Variants in CDK14 observed in about 807,000 individuals in gnomAD.
CDK14 encodes cyclin-dependent kinase 14.
CDK14 carries 34 observed loss-of-function variants against 60.7 expected under a neutral mutation model. The ratio of observed to expected loss-of-function variants is 0.56; its 90% CI spans 0.43 to 0.75. The LOEUF is 0.75. Among genes scored for constraint, CDK14 ranks in the 30% least tolerant of loss-of-function variants. The pLI is 0.00. For synonymous variants in CDK14, 197 were observed against 203.7 expected (o/e 0.97, Z 0.28); for missense variants, 482 against 564.1 (o/e 0.85, Z 1.47).
At chr7:91,183,330 C>G (rs1802063287) in intron 14 of CDK14, among the ~76,000 whole-genome samples, 1 of 152,206 alleles carries the variant, frequency 6.6e-6, no homozygotes, top group Admixed American at 6.5e-5. Context: ...TTAGTGTTTT[C>G]AAAGCTGGTC....
At chr7:90,783,241 C>T (rs1805420922) in intron 4 of CDK14, among the ~76,000 whole-genome samples, 1 of 152,078 alleles carries the variant, frequency 6.6e-6, no homozygotes, top group Non-Finnish European at 1.5e-5. Flanking sequence ...TCCCTCATTT[C>T]ATTAAATCTT....
chr7:90,907,011 A>G (rs1792729793), intron 7 of CDK14, among the ~76,000 whole-genome samples: 1 of 152,240 alleles, frequency 6.6e-6, no homozygotes, highest in South Asian at 2.1e-4. Context: ...TTCACTAATA[A>G]CAAATGGTTT....
At chr7:90,693,841 T>TC (rs1177661415) in intron 2 of CDK14, among the ~76,000 whole-genome samples, 18 of 152,212 alleles carry the variant, frequency 1.2e-4, no homozygotes, top group African/African-American at 4.1e-4. Context: ...GAGAAGTTGT[T>TC]TAAGATGGCT....
intron 8 of CDK14, among the ~76,000 whole-genome samples, chr7:90,954,639 T>C (rs1409948088): frequency 1.2e-3 from 3 of 2,500 alleles, no homozygotes; most frequent in East Asian, 5.6e-3. Flanking sequence ...TTTTTTTTTT[T>C]TTTGAGACGG....
At chr7:90,932,806 T>C (rs1296675524) in intron 8 of CDK14, among the ~76,000 whole-genome samples, 3 of 152,200 alleles carry the variant, frequency 2.0e-5, no homozygotes, top group African/African-American at 7.2e-5. Context: ...ATCTGAATGC[T>C]CCACTGGGAA....
chr7:90,997,994 T>G (rs986540234), intron 10 of CDK14, among the ~76,000 whole-genome samples: 3 of 152,200 alleles, frequency 2.0e-5, no homozygotes, highest in African/African-American at 7.2e-5. Context: ...GGAACTAAAA[T>G]TGATTTTCAA....
intron 8 of CDK14, among the ~76,000 whole-genome samples, chr7:90,946,736 C>T (rs1794113408): frequency 6.6e-6 from 1 of 152,036 alleles, no homozygotes; most frequent in African/African-American, 2.4e-5. Flanking sequence ...TATTACATGC[C>T]CTTTAGATTG....
chr7:90,765,591 C>G (rs1584870071), intron 4 of CDK14, among the ~76,000 whole-genome samples: 1 of 132,194 alleles, frequency 7.6e-6, no homozygotes. Context: ...TTACATTTTA[C>G]AACTAGGAAG....
At chr7:90,909,834 T>C (rs1178658830) in intron 7 of CDK14, among the ~76,000 whole-genome samples, 1 of 152,218 alleles carries the variant, frequency 6.6e-6, no homozygotes, top group Non-Finnish European at 1.5e-5. Context: ...TCTTAAAGAA[T>C]GTAAATTAAA....
At chr7:91,108,445 A>G (rs955566753) in intron 12 of CDK14, among the ~76,000 whole-genome samples, 2 of 152,380 alleles carry the variant, frequency 1.3e-5, no homozygotes, top group African/African-American at 4.8e-5. Context: ...TTATCAATAT[A>G]TAAGGAATAT....
At chr7:90,778,481 T>C (rs1489096752) in intron 4 of CDK14, among the ~76,000 whole-genome samples, 2 of 152,214 alleles carry the variant, frequency 1.3e-5, no homozygotes, top group Non-Finnish European at 2.9e-5. Flanking sequence ...TCCCACTGTG[T>C]GCTCCTGCAG....
At chr7:90,943,552 T>A (rs1183582654) in intron 8 of CDK14, among the ~76,000 whole-genome samples, 1 of 152,196 alleles carries the variant, frequency 6.6e-6, no homozygotes, top group Non-Finnish European at 1.5e-5. Flanking sequence ...ATTTAAGGGC[T>A]GGTAGCTTGT....
intron 5 of CDK14, among the ~76,000 whole-genome samples, chr7:90,805,407 C>T (rs1015869722): frequency 6.8e-6 from 1 of 147,932 alleles, no homozygotes; most frequent in Non-Finnish European, 1.5e-5. Flanking sequence ...AAAGGCTTAA[C>T]AAACTTTGAA....
chr7:90,987,340 G>T (rs1206409310), intron 10 of CDK14, among the ~76,000 whole-genome samples: 1 of 151,962 alleles, frequency 6.6e-6, no homozygotes, highest in African/African-American at 2.4e-5. Context: ...TTAGAGTACA[G>T]AGACCCTCAA....
chr7:90,727,433 G>A (rs957069375), intron 3 of CDK14, among the ~76,000 whole-genome samples: 1 of 152,038 alleles, frequency 6.6e-6, no homozygotes, highest in Admixed American at 6.6e-5. Flanking sequence ...TATAACTAGT[G>A]ATTTACAAGT....
intron 2 of CDK14, among the ~76,000 whole-genome samples, chr7:90,640,388 A>G (rs1435240167): frequency 1.3e-5 from 2 of 152,166 alleles, no homozygotes; most frequent in South Asian, 2.1e-4. Flanking sequence ...ACAGGAAATC[A>G]TAGCCATTTA....
At chr7:90,867,338 G>A (rs1791224776) in intron 6 of CDK14, among the ~76,000 whole-genome samples, 1 of 152,130 alleles carries the variant, frequency 6.6e-6, no homozygotes. Flanking sequence ...TACTTAAACA[G>A]AAAGTTAAGC....
At chr7:90,617,083 A>G (rs1799666034) in intron 2 of CDK14, among the ~76,000 whole-genome samples, 1 of 152,204 alleles carries the variant, frequency 6.6e-6, no homozygotes, top group South Asian at 2.1e-4. Flanking sequence ...ATGGCAGAAC[A>G]TGTATAAAAT....
At chr7:91,153,617 A>G (rs993442054) in intron 14 of CDK14, among the ~76,000 whole-genome samples, 3 of 152,206 alleles carry the variant, frequency 2.0e-5, no homozygotes, top group African/African-American at 4.8e-5. Flanking sequence ...TTCTCTGGCA[A>G]ACTAATGCAG....
Sources: gnomAD v4.1 joint callset for allele counts (sites outside exome capture counted in the v4.1 genomes callset) on GRCh38, gnomAD v4.1.1 for gene constraint, MANE v1.5 for transcripts, NCBI Gene and HGNC (gene_info 2026-07-23, HGNC 2026-07-21) for gene names.